The following SKAP1 variants were observed in gnomAD, a reference collection of about 807,000 sequenced individuals.
The protein encoded by SKAP1 is src kinase associated phosphoprotein 1.
In SKAP1, 44 loss-of-function variants were observed where a neutral mutation model predicts 58.5. That is an observed-to-expected ratio of 0.75 (90% confidence interval 0.59 to 0.97). The LOEUF (loss-of-function observed/expected upper bound fraction) is 0.97. Among genes scored for constraint, SKAP1 ranks in the 50% least tolerant of loss-of-function variants. The pLI, the probability that SKAP1 is intolerant of heterozygous loss-of-function variation, is 0.00. For synonymous variants in SKAP1, 127 were observed against 149.7 expected (o/e 0.85, Z 1.11); for missense variants, 390 against 435.2 (o/e 0.90, Z 0.92).
In SKAP1 at chr17:48,400,344, C is replaced by A. The variant is rs145979162; in HGVS notation, c.47-3559G>T. On this transcript the variant is annotated intron_variant, in intron 1 of 12. Transcript: ENST00000336915. ...AAACTCCTGACCTCAGGTGATCCACCCGCCTGGGCCTCCCAAAGTGCTGGG... is the reference window on the plus strand; with the variant it reads ...AAACTCCTGACCTCAGGTGATCCACACGCCTGGGCCTCCCAAAGTGCTGGG... Among the ~76,000 whole-genome samples the A allele has an allele frequency of 1.8e-3, 273 of 152,168 alleles. 4 individuals are homozygous for A. The highest frequency in any genetic ancestry group is 0.012 in the Admixed American group (188 of 15,280).
At chr17:48,309,156 G>A (rs939009638) in intron 4 of SKAP1, among the ~76,000 whole-genome samples, 2 of 151,780 alleles carry the variant, frequency 1.3e-5, no homozygotes, top group Non-Finnish European at 2.9e-5. Context: ...ATCTCAAGCA[G>A]GTTTTAGATA....
At chr17:48,312,799 G>A (rs528054518) in intron 4 of SKAP1, among the ~76,000 whole-genome samples, 21 of 152,196 alleles carry the variant, frequency 1.4e-4, no homozygotes, top group Non-Finnish European at 2.4e-4. Context: ...AACTTATAAC[G>A]TTTTATTGTT....
chr17:48,366,828 G>A (rs1206712051), intron 2 of SKAP1, among the ~76,000 whole-genome samples: 5 of 152,018 alleles, frequency 3.3e-5, no homozygotes, highest in African/African-American at 1.2e-4. Flanking sequence ...ATTAGGGTTC[G>A]AGTATGTGCA....
intron 10 of SKAP1, among the ~76,000 whole-genome samples, chr17:48,168,881 C>T (rs572001480): frequency 6.6e-6 from 1 of 152,172 alleles, no homozygotes; most frequent in African/African-American, 2.4e-5. Context: ...TTCTATAGCG[C>T]CTTTGGAGAA....
At chr17:48,225,211 G>A (rs1258096567) in intron 4 of SKAP1, among the ~76,000 whole-genome samples, 4 of 152,066 alleles carry the variant, frequency 2.6e-5, no homozygotes, top group South Asian at 4.1e-4. Context: ...ATGAGTTAAC[G>A]GCTGTCCCAT....
intron 11 of SKAP1, 73 bp downstream of exon 11, chr17:48,162,396 T>C: frequency 3.1e-6 from 3 of 954,072 alleles, no homozygotes; most frequent in South Asian, 3.1e-5. Context: ...CATGGAATAA[T>C]TCTGTTTATG....
chr17:48,307,400 G>T (rs1487767969), intron 4 of SKAP1: 3 of 152,382 alleles, frequency 2.0e-5, no homozygotes, highest in African/African-American at 7.2e-5. Flanking sequence ...TGGATGCAAG[G>T]TCAGCCTTCC....
chr17:48,271,362 C>CTTTTTTTTTTTTTTTT (rs35447830), intron 4 of SKAP1, among the ~76,000 whole-genome samples: 63 of 106,260 alleles, frequency 5.9e-4, no homozygotes, highest in Non-Finnish European at 8.6e-4. Flanking sequence ...TTCTTTGTTT[C>CTTTTTTTTTTTTTTTT]TTTTTTTTTT....
intron 4 of SKAP1, among the ~76,000 whole-genome samples, chr17:48,193,115 C>T (rs1314998716): frequency 6.6e-6 from 1 of 152,140 alleles, no homozygotes; most frequent in Non-Finnish European, 1.5e-5. Flanking sequence ...GATCTCAGCT[C>T]ACTGCAACCT....
At chr17:48,314,985 G>T (rs1440540688) in intron 4 of SKAP1, among the ~76,000 whole-genome samples, 1 of 152,024 alleles carries the variant, frequency 6.6e-6, no homozygotes, top group Non-Finnish European at 1.5e-5. Context: ...TATTAATATT[G>T]ACATCCCAGG....
chr17:48,348,077 C>T (rs1474791492), intron 3 of SKAP1, among the ~76,000 whole-genome samples: 3 of 152,118 alleles, frequency 2.0e-5, no homozygotes, highest in Non-Finnish European at 2.9e-5. Flanking sequence ...CAGTGGCTCA[C>T]ACCTATAATC....
At chr17:48,163,530 C>A (rs980642767) in intron 10 of SKAP1, among the ~76,000 whole-genome samples, 7 of 152,172 alleles carry the variant, frequency 4.6e-5, no homozygotes, top group Non-Finnish European at 1.0e-4. Flanking sequence ...CTCCTTTTTC[C>A]TTGGGGTGCT....
intron 6 of SKAP1, chr17:48,185,850 C>T (rs1250120486): frequency 1.3e-5 from 2 of 152,294 alleles, no homozygotes; most frequent in African/African-American, 2.4e-5. Context: ...TGGAACAGTG[C>T]TTTTTGACAC....
In SKAP1 at chr17:48,407,927, A is replaced by G. The variant is rs1220645427; in HGVS notation, c.47-11142T>C. Among the ~76,000 whole-genome samples the G allele has an allele frequency of 2.0e-5, 3 of 151,550 alleles. No individual in the cohort carries two copies. The East Asian group carries it at 5.8e-4, about 29-fold the overall frequency. On this transcript the variant is annotated intron_variant, in intron 1 of 12. Transcript: ENST00000336915. Reference sequence around the variant, plus strand: ...AAGTGTAAGAGCTGGAATTTTTCAGAGGGGGGGGAATCCAGTAAATGATAA... The same window carrying G: ...AAGTGTAAGAGCTGGAATTTTTCAGGGGGGGGGGAATCCAGTAAATGATAA...
At chr17:48,333,306 A>G (rs1228466898) in intron 4 of SKAP1, among the ~76,000 whole-genome samples, 1 of 152,202 alleles carries the variant, frequency 6.6e-6, no homozygotes, top group African/African-American at 2.4e-5. Context: ...TAACATAAGT[A>G]TGTAAGAAGC....
chr17:48,364,543 C>T (rs1163310377), intron 2 of SKAP1, among the ~76,000 whole-genome samples: 8 of 152,024 alleles, frequency 5.3e-5, no homozygotes, highest in South Asian at 2.1e-4. Flanking sequence ...GGCATGGTGG[C>T]GTGTGCCTGT....
rs563941869 is a variant in SKAP1 at position 48,345,089 on chromosome 17, C to A, written c.280+816G>T. Among the ~76,000 whole-genome samples, 70 of 152,312 alleles carry A rather than the reference C, an allele frequency of 4.6e-4. 1 individual carries two copies. The highest frequency in any genetic ancestry group is 1.2e-3 in the Admixed American group (19 of 15,298). ...CATGAGAGAGACTCTGATAAGAAAA[C>A]CATGCGCATCCATGATGATGAAACC... is the stretch of plus-strand genomic sequence containing the variant. On this transcript the variant is annotated intron_variant, in intron 4 of 12. Coordinates refer to ENST00000336915, the MANE Select transcript of SKAP1 (RefSeq NM_003726.4).
At chr17:48,165,595 T>C (rs1228600388) in intron 10 of SKAP1, among the ~76,000 whole-genome samples, 1 of 152,038 alleles carries the variant, frequency 6.6e-6, no homozygotes, top group African/African-American at 2.4e-5. Flanking sequence ...AGACGGGGTT[T>C]CTCCATGTTG....
intron 4 of SKAP1, among the ~76,000 whole-genome samples, chr17:48,244,735 G>A (rs1304386627): frequency 6.6e-6 from 1 of 152,166 alleles, no homozygotes; most frequent in Admixed American, 6.5e-5. Context: ...AAACTGCCTA[G>A]CAAAAAGCAT....
Sources: allele counts gnomAD v4.1 joint callset (sites outside exome capture counted in the v4.1 genomes callset), GRCh38; gene constraint gnomAD v4.1.1; transcripts MANE v1.5; gene names NCBI Gene and HGNC (gene_info 2026-07-23, HGNC 2026-07-21).